The following SPTBN1 variants were observed in gnomAD, a reference collection of about 807,000 sequenced individuals.
SPTBN1 encodes spectrin beta chain, non-erythrocytic 1.
In SPTBN1, 32 loss-of-function variants were observed where a neutral mutation model predicts 266.4. That is an observed-to-expected ratio of 0.12 (90% CI 0.09 to 0.16). The LOEUF (loss-of-function observed/expected upper bound fraction) is 0.16, where lower values mean the gene tolerates loss of function less well. SPTBN1 is among the 10% of genes least tolerant of loss of function. The probability of loss-of-function intolerance (pLI) is 1.00; values close to 1 mark genes in which losing one functional copy is unlikely to be tolerated. For missense variants in SPTBN1, 2,296 were observed against 3,067.1 expected, an observed-to-expected ratio of 0.75 and a Z score of 5.94; for synonymous variants, 1,336 against 1,162.2, an observed-to-expected ratio of 1.15 and a Z score of -3.04.
chr2:54,530,016 CT>C (rs1457363234), intron 2 of SPTBN1, among the ~76,000 whole-genome samples: 2 of 152,028 alleles, frequency 1.3e-5, no homozygotes, highest in Non-Finnish European at 2.9e-5. Flanking sequence ...TGTGGGGTTT[CT>C]GCTGAACATG....
chr2:54,659,300 A>G, intron 31 of SPTBN1, 34 bp downstream of exon 31: 5 of 1,606,572 alleles, frequency 3.1e-6, no homozygotes, highest in Middle Eastern at 1.7e-4. Context: ...CTGGACCCTT[A>G]GCCTCGGTGG....
intron 24 of SPTBN1, among the ~76,000 whole-genome samples, chr2:54,647,910 C>T (rs1558467162): frequency 6.6e-6 from 1 of 152,196 alleles, no homozygotes; most frequent in Admixed American, 6.5e-5. Flanking sequence ...ATAGCACTTA[C>T]ACTTGGGTTG....
Position 54,626,073 on chromosome 2 carries a change from G to A in SPTBN1, c.1483G>A (p.Asp495Asn). The A allele has an allele frequency of 1.2e-6, 2 of 1,614,134 alleles. No individual in the cohort carries two copies. Among genetic ancestry groups the A allele is most frequent in the Non-Finnish European group, 1.7e-6 (2 of 1,180,034 alleles). The change falls in exon 12 of 36, where the codon GAC becomes AAC. Residue 495 changes from aspartate (D) to asparagine (N), a missense_variant. This residue lies in a region of SPTBN1 where 434 missense variants were observed against 573.9 expected (regional missense o/e 0.76). Transcript: ENST00000356805. This position sits in a 1 kb window ranked among gnomAD's most constrained non-coding sequence, Gnocchi z 4.7. ...GGAGCTCGAGGCCGAGAATTACCAC[G>A]ACATCAAGCGCATCACAGCGAGGAA... is the stretch of plus-strand genomic sequence containing the variant. Reference protein sequence around the residue: ...ARELEAENYHDIKRITARKDN... With the variant: ...ARELEAENYHNIKRITARKDN...
chr2:54,486,530 G>A (rs190553911), intron 1 of SPTBN1, among the ~76,000 whole-genome samples: 12 of 151,998 alleles, frequency 7.9e-5, no homozygotes, highest in African/African-American at 2.2e-4. Flanking sequence ...CAGCATGCTC[G>A]TTAAGAGTCA....
intron 1 of SPTBN1, among the ~76,000 whole-genome samples, chr2:54,522,591 A>C (rs936990015): frequency 6.6e-6 from 1 of 150,770 alleles, no homozygotes; most frequent in East Asian, 2.0e-4. Context: ...AGATCATGCC[A>C]CTGCACTCCA....
At chr2:54,665,828 A>G (rs1016585265) in intron 33 of SPTBN1, 87 bp from the exon 34 acceptor site, 21 of 1,448,374 alleles carry the variant, frequency 1.4e-5, no homozygotes, top group Non-Finnish European at 2.0e-5. Context: ...TGTGAGGATC[A>G]TTTTCATGTT....
intron 28 of SPTBN1, among the ~76,000 whole-genome samples, chr2:54,655,647 C>G (rs940072342): frequency 1.3e-5 from 2 of 152,216 alleles, no homozygotes; most frequent in African/African-American, 4.8e-5. Context: ...TGCTGTCCCT[C>G]TCCTGAACGT....
chr2:54,592,737 A>G (rs1442408446), intron 2 of SPTBN1, among the ~76,000 whole-genome samples: 1 of 152,220 alleles, frequency 6.6e-6, no homozygotes, highest in Admixed American at 6.5e-5. Flanking sequence ...CAAGTTGTTT[A>G]TCAGAAACCA....
rs373591391 is a variant in SPTBN1 at position 54,489,187 on chromosome 2, G to A, written c.-48+32669G>A. The stretch of plus-strand genomic sequence containing the variant: ...AAAAAAAAAAAAAACCAGGCATGGT[G>A]GTGTGTGCCTACAGTCCCACCTACT... On this transcript the variant is annotated intron_variant, in intron 1 of 35. Transcript: ENST00000356805. 1.2e-4 allele frequency among the ~76,000 whole-genome samples: 18 copies of A among 150,636 alleles called. No homozygotes were observed. The East Asian group carries it at 3.5e-3, about 29-fold the overall frequency.
rs1308521899 is a variant in SPTBN1 at position 54,666,051 on chromosome 2, C to A, written c.6796C>A (p.Leu2266Ile). ...SLKEAVCEVA[L>I]DYKKKKHVFK... ...GAAAGAAGCTGTCTGCGAAGTGGCC[C>A]TTGATTACAAAAAGAAGAAACACGT... Residue 2266 changes from leucine (L) to isoleucine (I), a missense_variant, in exon 34 of 36, where the codon CTT becomes ATT. Coordinates refer to ENST00000356805, the MANE Select transcript of SPTBN1 (RefSeq NM_003128.3). 6.2e-7 allele frequency: 1 copy of A among 1,612,548 alleles called. No individual in the cohort carries two copies. The highest frequency in any genetic ancestry group is 8.5e-7 in the Non-Finnish European group (1 of 1,179,622).
intron 3 of SPTBN1, among the ~76,000 whole-genome samples, chr2:54,609,614 C>T (rs1171311254): frequency 6.6e-6 from 1 of 152,030 alleles, no homozygotes; most frequent in Non-Finnish European, 1.5e-5. Context: ...GTCCTTATGA[C>T]CCCTTGATCT....
chr2:54,505,940 C>T (rs949301846), intron 1 of SPTBN1, among the ~76,000 whole-genome samples: 5 of 151,780 alleles, frequency 3.3e-5, no homozygotes, highest in African/African-American at 1.2e-4. Flanking sequence ...CTGGCTAACA[C>T]GGTGAAACCC....
chr2:54,621,690 C>T (rs1049090587), intron 8 of SPTBN1, among the ~76,000 whole-genome samples, 178 bp downstream of exon 8: 4 of 152,164 alleles, frequency 2.6e-5, no homozygotes, highest in Non-Finnish European at 5.9e-5. Context: ...GAGATGGCCA[C>T]CATATTTAGG....
chr2:54,608,329 T>C (rs887400411), intron 3 of SPTBN1, among the ~76,000 whole-genome samples: 14 of 152,082 alleles, frequency 9.2e-5, no homozygotes, highest in African/African-American at 2.9e-4. Context: ...GTCCAGCCTG[T>C]TAGTTGTAGA....
At chr2:54,644,048 G>GTC (rs1679758960) in intron 19 of SPTBN1, among the ~76,000 whole-genome samples, 1 of 152,102 alleles carries the variant, frequency 6.6e-6, no homozygotes. Context: ...GAATGGAGGA[G>GTC]ATAAAGTCAC....
chr2:54,639,999 G>C (rs1679420239), intron 18 of SPTBN1, among the ~76,000 whole-genome samples: 1 of 152,154 alleles, frequency 6.6e-6, no homozygotes, highest in South Asian at 2.1e-4. Flanking sequence ...TCTGTGGGAG[G>C]TGTCGGGTGT....
chr2:54,537,460 G>A (rs1216265414), intron 2 of SPTBN1, among the ~76,000 whole-genome samples: 1 of 152,240 alleles, frequency 6.6e-6, no homozygotes, highest in Non-Finnish European at 1.5e-5. Flanking sequence ...GAAGCCATAT[G>A]TACAGAACAC....
chr2:54,461,326 T>G (rs933825675), intron 1 of SPTBN1, among the ~76,000 whole-genome samples: 7 of 152,196 alleles, frequency 4.6e-5, no homozygotes, highest in Non-Finnish European at 8.8e-5. Flanking sequence ...CTAACGTGAT[T>G]TATTTATTCA....
intron 2 of SPTBN1, among the ~76,000 whole-genome samples, chr2:54,553,245 G>A (rs904123150): frequency 6.6e-6 from 1 of 152,206 alleles, no homozygotes; most frequent in Non-Finnish European, 1.5e-5. Flanking sequence ...CTAGTAGTTA[G>A]GGAGTGGGAG....
Sources: gnomAD v4.1 joint callset for allele counts (sites outside exome capture counted in the v4.1 genomes callset) on GRCh38, gnomAD v4.1.1 for gene constraint, gnomAD v4.1.1 regional missense constraint, Gnocchi (gnomAD v3.1) non-coding constraint, MANE v1.5 for transcripts, NCBI Gene and HGNC (gene_info 2026-07-23, HGNC 2026-07-21) for gene names.